Variants in GUSB observed in about 807,000 individuals in gnomAD.
GUSB encodes the protein beta-glucuronidase.
In GUSB, 51 loss-of-function variants were observed where a neutral mutation model predicts 74.6. That is an observed-to-expected ratio of 0.68 (90% CI 0.55 to 0.86). The LOEUF is 0.86. Ranked by LOEUF, GUSB falls within the 40% of genes least tolerant of loss-of-function variation. GUSB has a pLI of 0.00. For missense variants in GUSB, 736 were observed against 853.7 expected, an observed-to-expected ratio of 0.86 and a Z score of 1.72; for synonymous variants, 360 against 348.3, an observed-to-expected ratio of 1.03 and a Z score of -0.37.
In GUSB at chr7:65,967,915, C is replaced by G; in HGVS notation, c.1477-8G>C. The G allele has an allele frequency of 6.3e-7, 1 of 1,598,446 alleles. No homozygotes were observed. The highest frequency in any genetic ancestry group is 8.5e-7 in the Non-Finnish European group (1 of 1,178,672). ...CACATCCACATACGGAGCCTAGGACCAGAGCAGCAGAGCCCGTTCAGCACT... is the reference window on the plus strand; with the variant it reads ...CACATCCACATACGGAGCCTAGGACGAGAGCAGCAGAGCCCGTTCAGCACT... On this transcript the variant is annotated splice_region_variant and splice_polypyrimidine_tract_variant and intron_variant, in intron 9 of 11. Coordinates refer to ENST00000304895, the MANE Select transcript of GUSB (RefSeq NM_000181.4).
chr7:65,978,233 C>T (rs1238632495), intron 4 of GUSB, among the ~76,000 whole-genome samples: 3 of 152,074 alleles, frequency 2.0e-5, no homozygotes, highest in Non-Finnish European at 4.4e-5. Flanking sequence ...GGGTGGATCC[C>T]GAAGTCAGGA....
chr7:65,981,997 A>C lies in GUSB; in HGVS notation c.187T>G (p.Trp63Gly). 6.2e-7 allele frequency: 1 copy of C among 1,608,912 alleles called. No individual in the cohort carries two copies. Among genetic ancestry groups the C allele is most frequent in the Non-Finnish European group, 8.5e-7 (1 of 1,179,196 alleles). ...DNRRRGFEEQ[W>G]YRRPLWESGP... ...ACCTCCCACAGCGGCCGCCGGTACCACTGCTCCTCGAAGCCCCGGCGTCGG... is the reference window on the plus strand; with the variant it reads ...ACCTCCCACAGCGGCCGCCGGTACCCCTGCTCCTCGAAGCCCCGGCGTCGG... The change falls in exon 1 of 12, where the codon TGG (tryptophan) becomes GGG (glycine). Residue 63 changes from tryptophan to glycine, a missense_variant. Physicochemically the swap from Trp to Gly is radical, Grantham distance 184. Around this residue, in one of 2 missense-constraint regions of GUSB, gnomAD observed 368 missense variants for 363.8 expected, o/e 1.01. Coordinates refer to ENST00000304895, the MANE Select transcript of GUSB (RefSeq NM_000181.4).
intron 8 of GUSB, among the ~76,000 whole-genome samples, chr7:65,973,997 T>C (rs542053580): frequency 2.4e-4 from 36 of 151,180 alleles, no homozygotes; most frequent in African/African-American, 8.5e-4. Flanking sequence ...CTCAGGAGAC[T>C]GAGGCAGGAG....
At chr7:65,961,156 A>C (rs1023622676) in intron 11 of GUSB, 93 bp from the exon 12 acceptor site, 1 of 1,268,970 alleles carries the variant, frequency 7.9e-7, no homozygotes, top group African/African-American at 1.5e-5. Flanking sequence ...CACTAAATAG[A>C]AATGTCTTTT....
intron 4 of GUSB, among the ~76,000 whole-genome samples, chr7:65,976,822 G>GC (rs914972488): frequency 6.6e-6 from 1 of 151,838 alleles, no homozygotes; most frequent in Non-Finnish European, 1.5e-5. Context: ...AGCCCCGGCA[G>GC]CCCCAGCTAC....
intron 8 of GUSB, among the ~76,000 whole-genome samples, chr7:65,972,620 C>T (rs189733631): frequency 2.0e-5 from 3 of 152,182 alleles, no homozygotes; most frequent in Admixed American, 2.0e-4. Context: ...CACTCTCCAA[C>T]AGCCAGGCTC....
chr7:65,964,493 A>G (rs371044203), intron 10 of GUSB, 35 bp from the exon 11 acceptor site: 5 of 1,601,264 alleles, frequency 3.1e-6, no homozygotes, highest in East Asian at 2.2e-5. Context: ...TAAGAGTCAG[A>G]ACTGGCAGAA....
At chr7:65,979,257 G>A (rs765299027) in intron 4 of GUSB, 142 bp downstream of exon 4, 5 of 924,390 alleles carry the variant, frequency 5.4e-6, no homozygotes, top group Non-Finnish European at 8.9e-6. Context: ...CACACAGGCT[G>A]AATTTTAGCT....
At chr7:65,975,773 G>C (rs937515969) in intron 5 of GUSB, 1 of 428,724 alleles carries the variant, frequency 2.3e-6, no homozygotes, top group South Asian at 3.3e-5. Context: ...ACTGCTGCAG[G>C]CTGAGAGTTC....
chr7:65,980,529 A>C (rs1317349534), intron 1 of GUSB, 120 bp from the exon 2 acceptor site: 3 of 902,376 alleles, frequency 3.3e-6, no homozygotes, highest in Non-Finnish European at 5.3e-6. Flanking sequence ...GATTCTTGGC[A>C]GAAAGGACAG....
Position 65,979,502 on chromosome 7 carries a change from G to C in GUSB, c.621C>G (p.Asp207Glu). The C allele has an allele frequency of 6.2e-7, 1 of 1,614,140 alleles. No individual in the cohort carries two copies. Among genetic ancestry groups the C allele is most frequent in the Non-Finnish European group, 8.5e-7 (1 of 1,179,974 alleles). Residue 207 changes from aspartate (D) to glutamate (E), a missense_variant, in exon 4 of 12, where the codon GAC (aspartate) becomes GAG (glutamate). Around this residue, in one of 2 missense-constraint regions of GUSB, gnomAD observed 368 missense variants for 363.8 expected, o/e 1.01. Coordinates refer to ENST00000304895, the MANE Select transcript of GUSB (RefSeq NM_000181.4). Reference sequence around the variant, plus strand: ...GCTGCAGTCCAGCGTAGTTGAAAAAGTCAAAATATGTGTTCTGGACAAAGT... The same window carrying C: ...GCTGCAGTCCAGCGTAGTTGAAAAACTCAAAATATGTGTTCTGGACAAAGT... ...KGYFVQNTYF[D>E]FFNYAGLQRS...
intron 2 of GUSB, 23 bp from the exon 3 acceptor site, chr7:65,979,934 G>A (rs1394889155): frequency 4.5e-6 from 7 of 1,562,474 alleles, no homozygotes; most frequent in African/African-American, 2.7e-5. Flanking sequence ...GAGATACGGG[G>A]AGGGGGCTGC....
chr7:65,972,154 G>A (rs991830661), intron 8 of GUSB, among the ~76,000 whole-genome samples: 7 of 152,124 alleles, frequency 4.6e-5, no homozygotes, highest in African/African-American at 1.7e-4. Flanking sequence ...CCACAGTACA[G>A]ACTGTTTTTG....
intron 2 of GUSB, 40 bp downstream of exon 2, chr7:65,980,184 T>TTGGG: frequency 2.8e-6 from 2 of 720,094 alleles, no homozygotes; most frequent in Non-Finnish European, 2.5e-6. Context: ...TCAGCAGCCG[T>TTGGG]GCCCCCCCAC....
chr7:65,963,020 G>A (rs1218930278), intron 11 of GUSB, among the ~76,000 whole-genome samples: 2 of 151,820 alleles, frequency 1.3e-5, no homozygotes, highest in East Asian at 2.0e-4. Flanking sequence ...TACCACACCC[G>A]GCTAATTTTG....
chr7:65,970,251 G>A lies in GUSB; in HGVS notation c.1476+31C>T, dbSNP rs753947054. ...TCAGGACAAGCCCAGGCAAAGGCAG[G>A]GAGAAGTGGGGTGGGGACCCCCAGG... On this transcript the variant is annotated intron_variant, in intron 9 of 11. Coordinates refer to ENST00000304895, the MANE Select transcript of GUSB (RefSeq NM_000181.4). The A allele has an allele frequency of 2.3e-5, 32 of 1,377,150 alleles. No homozygotes were observed. The Admixed American group carries it at 5.4e-4, about 23-fold the overall frequency. 85.3% of individuals were successfully genotyped at this position (1,377,150 alleles called of 1,614,324 possible).
chr7:65,980,599 C>T, intron 1 of GUSB, 190 bp from the exon 2 acceptor site: 1 of 630,696 alleles, frequency 1.6e-6, no homozygotes, highest in Non-Finnish European at 2.9e-6. Context: ...CCAGTGGGGC[C>T]AGGAGTTCCT....
intron 11 of GUSB, 125 bp downstream of exon 11, chr7:65,964,198 A>C: frequency 1.1e-6 from 1 of 933,280 alleles, no homozygotes; most frequent in South Asian, 1.3e-5. Flanking sequence ...CGCAACCTAC[A>C]TGGATTAAAC....
At chr7:65,970,791 A>G (rs956825017) in intron 8 of GUSB, among the ~76,000 whole-genome samples, 10 of 152,200 alleles carry the variant, frequency 6.6e-5, no homozygotes, top group Admixed American at 6.5e-4. Flanking sequence ...CAGGAGGCTG[A>G]GGCAGAAGAA....
Sources: gnomAD v4.1 joint callset for allele counts (sites outside exome capture counted in the v4.1 genomes callset) on GRCh38, gnomAD v4.1.1 for gene constraint, gnomAD v4.1.1 regional missense constraint, MANE v1.5 for transcripts, NCBI Gene and HGNC (gene_info 2026-07-23, HGNC 2026-07-21) for gene names.